The following OPA3 variants were observed in gnomAD, a reference collection of about 807,000 sequenced individuals.
OPA3 encodes outer mitochondrial membrane lipid metabolism regulator OPA3, also known as optic atrophy 3 protein.
In OPA3, 6 loss-of-function variants were observed where a neutral mutation model predicts 4.0. That is an observed-to-expected ratio of 1.51 (90% CI 0.83 to 2.99). OPA3 has a LOEUF of 2.99. OPA3 is among the 30% of genes most tolerant of loss of function. The pLI is 0.00. For missense variants in OPA3, 235 were observed against 256.2 expected, an observed-to-expected ratio of 0.92 and a Z score of 0.56; for synonymous variants, 105 against 117.1, an observed-to-expected ratio of 0.90 and a Z score of 0.67.
At chr19:45,577,856 C>CAG (rs1261626428) in intron 1 of OPA3, among the ~76,000 whole-genome samples, 1 of 152,154 alleles carries the variant, frequency 6.6e-6, no homozygotes, top group Non-Finnish European at 1.5e-5. Flanking sequence ...CACTATCAAT[C>CAG]AGAGGACTGG....
chr19:45,528,280 G>C (rs572948185), exon 2 of OPA3: 2 of 152,552 alleles, frequency 1.3e-5, no homozygotes, highest in African/African-American at 4.8e-5. Context: ...ACAGACCACA[G>C]AATGCCGGGC....
In OPA3 at chr19:45,553,915, C is replaced by CG. The variant is rs1368802527; in HGVS notation, c.143-5dup. Reference sequence around the variant, plus strand: ...CGCATCTCCACCCAGTGATACACTGCGGGGGAAGAGAGGGGTCAGGCTGCG... The same window carrying CG: ...CGCATCTCCACCCAGTGATACACTGCGGGGGGAAGAGAGGGGTCAGGCTGCG... On this transcript the variant is annotated splice_polypyrimidine_tract_variant and splice_region_variant and intron_variant, in intron 1 of 1. Transcript: ENST00000263275. 1 of 1,601,292 alleles carries CG rather than the reference C, an allele frequency of 6.2e-7. No individual in the cohort carries two copies. The highest frequency in any genetic ancestry group is 8.5e-7 in the Non-Finnish European group (1 of 1,170,470).
At chr19:45,561,040 A>G (rs912118835) in intron 1 of OPA3, among the ~76,000 whole-genome samples, 1 of 152,188 alleles carries the variant, frequency 6.6e-6, no homozygotes, top group African/African-American at 2.4e-5. Context: ...GAGCTTATGC[A>G]CAAATAGGAC....
At position 45,550,974 on chromosome 19, in the gene OPA3, T is replaced by C. The variant is rs1337943702; in HGVS notation, c.*2540A>G. On this transcript the variant is annotated 3_prime_UTR_variant, in exon 2 of 2. Coordinates refer to ENST00000263275, the MANE Select transcript of OPA3 (RefSeq NM_025136.4). ...TTGGCAGGAGTCCCAGGGTACTTTT[T>C]TTCTGAGAAAGGGTCTCACTCTGTC... 4.1e-6 allele frequency: 4 copies of C among 985,360 alleles called. No homozygotes were observed. Among genetic ancestry groups the C allele is most frequent in the Non-Finnish European group, 4.8e-6 (4 of 829,996 alleles). 61.0% of individuals were successfully genotyped at this position (985,360 alleles called of 1,614,324 possible).
chr19:45,534,823 G>A (rs559758901), intron 1 of OPA3, among the ~76,000 whole-genome samples: 31 of 151,982 alleles, frequency 2.0e-4, no homozygotes, highest in African/African-American at 7.0e-4. Flanking sequence ...AGTAGAGACG[G>A]GGTTTCACTA....
intron 1 of OPA3, among the ~76,000 whole-genome samples, chr19:45,533,158 TG>T (rs937151788): frequency 2.0e-5 from 3 of 151,952 alleles, no homozygotes; most frequent in African/African-American, 7.3e-5. Flanking sequence ...CCCAAAGTGC[TG>T]AGATTACAGG....
At chr19:45,578,696 G>A (rs903739480) in intron 1 of OPA3, among the ~76,000 whole-genome samples, 1 of 151,844 alleles carries the variant, frequency 6.6e-6, no homozygotes, top group Non-Finnish European at 1.5e-5. Context: ...GCGTGGTGGC[G>A]CATGCCTGTA....
At chr19:45,536,322 T>C (rs889301328) in intron 1 of OPA3, among the ~76,000 whole-genome samples, 5 of 150,656 alleles carry the variant, frequency 3.3e-5, no homozygotes, top group African/African-American at 9.8e-5. Flanking sequence ...GGCAGGCGGA[T>C]CACATGAGGT....
chr19:45,541,026 G>A (rs543385183), intron 1 of OPA3, among the ~76,000 whole-genome samples: 3 of 152,180 alleles, frequency 2.0e-5, no homozygotes, highest in East Asian at 1.9e-4. Flanking sequence ...TTGGGGAAGC[G>A]CCATTGCTGT....
At chr19:45,568,692 CT>C (rs1969618249) in intron 1 of OPA3, among the ~76,000 whole-genome samples, 1 of 152,084 alleles carries the variant, frequency 6.6e-6, no homozygotes, top group Non-Finnish European at 1.5e-5. Context: ...GGGATCCTAT[CT>C]CCCCAACTTT....
intron 1 of OPA3, among the ~76,000 whole-genome samples, chr19:45,566,262 G>A (rs1233157330): frequency 6.6e-6 from 1 of 151,188 alleles, no homozygotes; most frequent in Non-Finnish European, 1.5e-5. Context: ...TGATTCTCCT[G>A]CCTCAGCCTC....
In OPA3 at chr19:45,550,634, G is replaced by A. The variant is rs948267300; in HGVS notation, c.*2880C>T. On this transcript the variant is annotated 3_prime_UTR_variant, in exon 2 of 2. Transcript: ENST00000263275. Reference sequence around the variant, plus strand: ...CTGGCAAGTCCCTTTGCTTACCCCTGGCCTTAGTTTCCCCAGCTCATAGGG... The same window carrying A: ...CTGGCAAGTCCCTTTGCTTACCCCTAGCCTTAGTTTCCCCAGCTCATAGGG... 1 of 986,110 alleles carries A rather than the reference G, an allele frequency of 1.0e-6. No homozygotes were observed. Among genetic ancestry groups the A allele is most frequent in the Non-Finnish European group, 1.2e-6 (1 of 830,494 alleles). 61.1% of individuals were successfully genotyped at this position (986,110 alleles called of 1,614,324 possible).
intron 1 of OPA3, among the ~76,000 whole-genome samples, chr19:45,580,272 G>A (rs1268692092): frequency 1.3e-5 from 2 of 150,048 alleles, no homozygotes; most frequent in Non-Finnish European, 1.5e-5. Context: ...GGGATTACAG[G>A]CGCGAGCCAC....
rs1438623626 is a variant in OPA3 at position 45,548,668 on chromosome 19, T to A, written c.*4846A>T. 2.6e-4 allele frequency: 254 copies of A among 983,740 alleles called. No individual in the cohort carries two copies. The highest frequency in any genetic ancestry group is 2.1e-3 in the Middle Eastern group (4 of 1,914). 60.9% of individuals were successfully genotyped at this position (983,740 alleles called of 1,614,324 possible). ...TTGTGTTTTATTTTTTTTATTTTTTTTTTTTTTGCGGGAGACGCCCTACCA... is the reference window on the plus strand; with the variant it reads ...TTGTGTTTTATTTTTTTTATTTTTTATTTTTTTGCGGGAGACGCCCTACCA... On this transcript the variant is annotated 3_prime_UTR_variant, in exon 2 of 2. Transcript: ENST00000263275.
At chr19:45,561,525 G>A (rs1969502904) in intron 1 of OPA3, among the ~76,000 whole-genome samples, 1 of 152,178 alleles carries the variant, frequency 6.6e-6, no homozygotes, top group Admixed American at 6.5e-5. Context: ...CGGCCATGAC[G>A]AACATGCTGG....
chr19:45,537,481 T>C (rs572156428), intron 1 of OPA3, among the ~76,000 whole-genome samples: 4 of 147,234 alleles, frequency 2.7e-5, no homozygotes, highest in Non-Finnish European at 4.5e-5. Flanking sequence ...AGGCAAATCA[T>C]AGACTGGAAG....
chr19:45,540,451 C>T (rs1969171915), intron 1 of OPA3, among the ~76,000 whole-genome samples: 1 of 150,658 alleles, frequency 6.6e-6, no homozygotes, highest in Non-Finnish European at 1.5e-5. Context: ...GCCCCAGCTA[C>T]TTGGGGGGTT....
At position 45,530,927 on chromosome 19, in the gene OPA3, C is replaced by CT. The variant is rs71173176; in HGVS notation, c.143-1472dup. On this transcript the variant is annotated intron_variant, in intron 1 of 1. Transcript: ENST00000323060. ...ATGGCGTGTGCCACCATGTCACCTA[C>CT]TTTTTTTTTTTTTTTTTTTTTTTTT... Among the ~76,000 whole-genome samples the CT allele has an allele frequency of 4.0e-3, 143 of 35,420 alleles. 6 individuals are homozygous for CT. The highest frequency in any genetic ancestry group is 0.033 in the Middle Eastern group (1 of 30). The allele number at this position is 35,420 out of a possible 152,430, so 23.2% of individuals were successfully genotyped here. A position where few individuals can be genotyped will look rare whatever the true frequency, so the allele number is the denominator to read the frequency against.
chr19:45,582,140 G>A (rs1027213592), intron 1 of OPA3, among the ~76,000 whole-genome samples: 1 of 151,740 alleles, frequency 6.6e-6, no homozygotes. Context: ...TGAGCATTCA[G>A]GGAGATTTTA....
Sources: gnomAD v4.1 joint callset for allele counts (sites outside exome capture counted in the v4.1 genomes callset) on GRCh38, gnomAD v4.1.1 for gene constraint, MANE v1.5 for transcripts, NCBI Gene and HGNC (gene_info 2026-07-23, HGNC 2026-07-21) for gene names.